Variants in TPH2 observed in about 807,000 individuals in gnomAD.
TPH2 encodes tryptophan hydroxylase 2.
A neutral mutation model predicts 59.1 loss-of-function variants in TPH2; 27 were observed. The observed-to-expected ratio is 0.46, with a 90% confidence interval of 0.34 to 0.63. The LOEUF (loss-of-function observed/expected upper bound fraction) is 0.63. TPH2 is among the 30% of genes least tolerant of loss of function. TPH2 has a pLI of 0.01. For missense variants in TPH2, 523 were observed against 588.3 expected (o/e 0.89, Z 1.15); for synonymous variants, 220 against 210.5 (o/e 1.05, Z -0.39).
At chr12:71,939,774 A>T (rs1871005244) in intron 1 of TPH2, among the ~76,000 whole-genome samples, 1 of 152,224 alleles carries the variant, frequency 6.6e-6, no homozygotes, top group African/African-American at 2.4e-5. Flanking sequence ...AGGATTTTAG[A>T]TCCTGCTTTC....
chr12:72,009,897 A>T (rs1475512512), intron 8 of TPH2, among the ~76,000 whole-genome samples: 2 of 152,328 alleles, frequency 1.3e-5, no homozygotes, highest in Non-Finnish European at 1.5e-5. Flanking sequence ...GTATGGTAAA[A>T]ACAGCACAGT....
chr12:71,951,300 CCTT>C (rs1294795181), intron 5 of TPH2, among the ~76,000 whole-genome samples: 2 of 152,134 alleles, frequency 1.3e-5, no homozygotes, highest in East Asian at 3.9e-4. Flanking sequence ...TCCACAGGCT[CCTT>C]CTGCGGAATC....
intron 8 of TPH2, 67 bp downstream of exon 8, chr12:71,994,632 G>C: frequency 6.3e-7 from 1 of 1,583,068 alleles, no homozygotes; most frequent in East Asian, 2.3e-5. Flanking sequence ...AAAGCTTCAG[G>C]ATTATTGACT....
chr12:71,999,703 T>C (rs1293685525), intron 8 of TPH2, among the ~76,000 whole-genome samples: 2 of 152,198 alleles, frequency 1.3e-5, no homozygotes, highest in Admixed American at 6.5e-5. Context: ...GGAGAATGTA[T>C]ATATTATGCT....
At chr12:71,999,846 A>T (rs2139226405) in intron 8 of TPH2, among the ~76,000 whole-genome samples, 1 of 152,352 alleles carries the variant, frequency 6.6e-6, no homozygotes, top group South Asian at 2.1e-4. Context: ...ATTCTACCTT[A>T]GACTATACTA....
At chr12:72,011,574 C>G (rs1293416554) in intron 8 of TPH2, among the ~76,000 whole-genome samples, 1 of 152,178 alleles carries the variant, frequency 6.6e-6, no homozygotes, top group African/African-American at 2.4e-5. Context: ...ACAAACTCGT[C>G]CATTCTCTAG....
chr12:72,023,248 C>A (rs1201094590), intron 9 of TPH2, among the ~76,000 whole-genome samples: 1 of 152,146 alleles, frequency 6.6e-6, no homozygotes, highest in African/African-American at 2.4e-5. Flanking sequence ...ATAATTTAAT[C>A]TTTCTTTGAC....
chr12:72,019,753 T>A (rs1373150496), intron 8 of TPH2, among the ~76,000 whole-genome samples: 1 of 152,192 alleles, frequency 6.6e-6, no homozygotes, highest in Non-Finnish European at 1.5e-5. Context: ...ATCCTTAGCA[T>A]CTAGGGCAGA....
At chr12:71,980,769 C>CAG (rs144067251) in intron 7 of TPH2, among the ~76,000 whole-genome samples, 42 of 150,246 alleles carry the variant, frequency 2.8e-4, no homozygotes, top group African/African-American at 8.5e-4. Context: ...AATAGGTATG[C>CAG]AGAGAGAGAG....
In TPH2 at chr12:71,942,839, T is replaced by C. The variant is rs139350268; in HGVS notation, c.255+1106T>C. Among the ~76,000 whole-genome samples, 396 of 152,258 alleles carry C rather than the reference T, an allele frequency of 2.6e-3. 2 individuals carry two copies. Among genetic ancestry groups the C allele is most frequent in the Middle Eastern group, 0.01 (3 of 294 alleles). On this transcript the variant is annotated intron_variant, in intron 2 of 10. Coordinates refer to ENST00000333850, the MANE Select transcript of TPH2 (RefSeq NM_173353.4). ...CAGTGGTAATGGAAATCTGAGGAAA[T>C]ATTTTACAGACAATTATGTCATCCA...
chr12:72,031,174 T>A (rs1873711606), intron 9 of TPH2, 84 bp from the exon 10 acceptor site: 1 of 1,567,014 alleles, frequency 6.4e-7, no homozygotes, highest in Admixed American at 1.7e-5. Context: ...TACCGAGCTA[T>A]CAAATGTGTT....
chr12:71,965,248 G>A (rs912209150), intron 5 of TPH2: 2 of 152,082 alleles, frequency 1.3e-5, no homozygotes, highest in African/African-American at 4.8e-5. Flanking sequence ...GTGAACTTCC[G>A]CATGCATGTG....
intron 8 of TPH2, among the ~76,000 whole-genome samples, chr12:72,005,905 C>T (rs1244981093): frequency 2.6e-5 from 4 of 152,156 alleles, no homozygotes; most frequent in Admixed American, 1.3e-4. Flanking sequence ...AATCAATACT[C>T]GCCCCTTTCA....
chr12:71,957,327 A>ATTTTTTTT (rs35425528), intron 5 of TPH2, among the ~76,000 whole-genome samples: 9 of 95,598 alleles, frequency 9.4e-5, no homozygotes, highest in Non-Finnish European at 1.4e-4. Flanking sequence ...TGAGTAAAGG[A>ATTTTTTTT]TTTTTTTTTT....
At position 71,985,856 on chromosome 12, in the gene TPH2, C is replaced by T. The variant is rs1592399027; in HGVS notation, c.941+6769C>T. Among the ~76,000 whole-genome samples the T allele has an allele frequency of 2.0e-5, 3 of 152,292 alleles. No individual in the cohort carries two copies. In the South Asian group the frequency reaches 6.2e-4, roughly 32 times the overall value. On this transcript the variant is annotated intron_variant, in intron 7 of 10. Transcript: ENST00000333850. Reference sequence around the variant, plus strand: ...GGCCTGCCCTCCCCTTTGATCTTCACAAGGTCACAGTTGGTCTGCCCCATT... The same window carrying T: ...GGCCTGCCCTCCCCTTTGATCTTCATAAGGTCACAGTTGGTCTGCCCCATT...
At chr12:72,007,547 A>C (rs1872987295) in intron 8 of TPH2, among the ~76,000 whole-genome samples, 1 of 152,164 alleles carries the variant, frequency 6.6e-6, no homozygotes, top group South Asian at 2.1e-4. Flanking sequence ...CAAGTATGCA[A>C]AGAAGCCATT....
chr12:71,948,611 G>A (rs980345120), intron 4 of TPH2, among the ~76,000 whole-genome samples: 1 of 152,230 alleles, frequency 6.6e-6, no homozygotes, highest in South Asian at 2.1e-4. Flanking sequence ...AGGCCTTTGT[G>A]GGCCTCACCC....
At chr12:71,999,634 C>G (rs1872773401) in intron 8 of TPH2, among the ~76,000 whole-genome samples, 1 of 152,140 alleles carries the variant, frequency 6.6e-6, no homozygotes, top group Non-Finnish European at 1.5e-5. Context: ...AGCTAGGTAG[C>G]ACACGTGTGA....
intron 5 of TPH2, among the ~76,000 whole-genome samples, chr12:71,958,645 C>T (rs990591566): frequency 2.6e-5 from 4 of 152,126 alleles, no homozygotes; most frequent in Admixed American, 6.5e-5. Flanking sequence ...TCCCTCTCTC[C>T]CAGGCCCCAT....
Sources: allele counts gnomAD v4.1 joint callset (sites outside exome capture counted in the v4.1 genomes callset), GRCh38; gene constraint gnomAD v4.1.1; transcripts MANE v1.5; gene names NCBI Gene and HGNC (gene_info 2026-07-23, HGNC 2026-07-21).